Variants in ZNF280D observed in about 807,000 individuals in gnomAD.
The protein encoded by ZNF280D is zinc finger protein 280D, also known as suppressor of hairy wing homolog 4.
A neutral mutation model predicts 94.7 loss-of-function variants in ZNF280D; 39 were observed. The ratio of observed to expected loss-of-function variants is 0.41; its 90% confidence interval spans 0.32 to 0.54. ZNF280D has a LOEUF of 0.54. ZNF280D is among the 20% of genes least tolerant of loss of function. The probability of loss-of-function intolerance (pLI) is 0.22; values close to 1 mark genes in which losing one functional copy is unlikely to be tolerated. For synonymous variants in ZNF280D, 398 were observed against 377.6 expected (o/e 1.05, Z -0.63); for missense variants, 1,090 against 1,149.3 (o/e 0.95, Z 0.75).
intron 1 of ZNF280D, among the ~76,000 whole-genome samples, chr15:56,731,359 T>C (rs1225637920): frequency 6.6e-6 from 1 of 151,554 alleles, no homozygotes; most frequent in Non-Finnish European, 1.5e-5. Flanking sequence ...AAAAATTAGC[T>C]GAGTGTGGTG....
At chr15:56,700,512 G>T in intron 6 of ZNF280D, 1 of 1,015,128 alleles carries the variant, frequency 9.9e-7, no homozygotes, top group Non-Finnish European at 1.2e-6. Context: ...AGGAAAAAAT[G>T]TTTGTTTTTT....
At chr15:56,708,663 T>C (rs72744977) in intron 1 of ZNF280D, among the ~76,000 whole-genome samples, 26,653 of 152,084 alleles carry the variant, frequency 0.18, 2,496 homozygotes, top group Admixed American at 0.22. Flanking sequence ...AACAGAGATA[T>C]AGGCCAATGG....
intron 1 of ZNF280D, among the ~76,000 whole-genome samples, chr15:56,712,632 A>G (rs1422525301): frequency 6.6e-6 from 1 of 151,234 alleles, no homozygotes; most frequent in Non-Finnish European, 1.5e-5. Flanking sequence ...AAAGAAAAGA[A>G]AAAACACTCA....
intron 7 of ZNF280D, among the ~76,000 whole-genome samples, chr15:56,691,367 C>G (rs1044157358): frequency 2.0e-5 from 3 of 152,078 alleles, no homozygotes; most frequent in African/African-American, 7.2e-5. Context: ...TAATCACATT[C>G]ACATTCTTGT....
chr15:56,693,375 T>C (rs1357212193), intron 6 of ZNF280D, among the ~76,000 whole-genome samples, 160 bp from the exon 7 acceptor site: 1 of 151,684 alleles, frequency 6.6e-6, no homozygotes, highest in East Asian at 1.9e-4. Flanking sequence ...GGAAACCCTT[T>C]GATAACTCAA....
chr15:56,694,977 T>A (rs912496651), intron 6 of ZNF280D, among the ~76,000 whole-genome samples: 1 of 152,338 alleles, frequency 6.6e-6, no homozygotes, highest in East Asian at 1.9e-4. Context: ...ACATTCATTA[T>A]TGGCAAAGTA....
chr15:56,724,846 C>T (rs1372454048), intron 1 of ZNF280D: 1 of 452,752 alleles, frequency 2.2e-6, no homozygotes, highest in African/African-American at 2.0e-5. Flanking sequence ...TTCTTATTTA[C>T]CTTTTTCTAT....
At chr15:56,699,516 G>C in intron 6 of ZNF280D, 3 of 854,852 alleles carry the variant, frequency 3.5e-6, no homozygotes, top group Non-Finnish European at 4.2e-6. Context: ...AAATAAAATA[G>C]TGTTATATTT....
intron 1 of ZNF280D, among the ~76,000 whole-genome samples, chr15:56,721,120 G>A (rs1202039197): frequency 2.6e-5 from 4 of 151,910 alleles, no homozygotes; most frequent in East Asian, 1.9e-4. Flanking sequence ...GCACCACCAC[G>A]CCTGGCTAAT....
intron 19 of ZNF280D, among the ~76,000 whole-genome samples, chr15:56,646,982 A>C (rs1437571259): frequency 6.6e-6 from 1 of 152,234 alleles, no homozygotes; most frequent in African/African-American, 2.4e-5. Context: ...TGGTGGTCTC[A>C]TATCACTGAA....
intron 7 of ZNF280D, among the ~76,000 whole-genome samples, chr15:56,692,463 T>G (rs577600219): frequency 3.0e-4 from 46 of 152,146 alleles, no homozygotes; most frequent in African/African-American, 1.1e-3. Context: ...GAATTTTCAA[T>G]TAGATAAAAT....
chr15:56,656,197 T>C (rs2053544076), intron 17 of ZNF280D, among the ~76,000 whole-genome samples: 2 of 152,216 alleles, frequency 1.3e-5, no homozygotes, highest in Admixed American at 1.3e-4. Context: ...ATCACTGTCA[T>C]CTTTACAGGA....
chr15:56,634,415 T>G (rs1176446568), intron 21 of ZNF280D, among the ~76,000 whole-genome samples: 1 of 152,176 alleles, frequency 6.6e-6, no homozygotes, highest in Admixed American at 6.5e-5. Context: ...AACTCCTTAG[T>G]TGATTTTTTG....
intron 20 of ZNF280D, among the ~76,000 whole-genome samples, chr15:56,638,720 A>T (rs2052472843): frequency 6.6e-6 from 1 of 152,128 alleles, no homozygotes; most frequent in Admixed American, 6.6e-5. Flanking sequence ...TATTATTTTT[A>T]TTTTTGACAA....
chr15:56,697,809 CATAA>C (rs1164181491), intron 6 of ZNF280D: 2 of 152,040 alleles, frequency 1.3e-5, no homozygotes, highest in Non-Finnish European at 2.9e-5. Context: ...TACAAATTAA[CATAA>C]ATAACATTTT....
At chr15:56,716,558 A>G (rs1287752975) in intron 1 of ZNF280D, among the ~76,000 whole-genome samples, 2 of 151,812 alleles carry the variant, frequency 1.3e-5, no homozygotes, top group African/African-American at 4.8e-5. Context: ...AGACATAGAG[A>G]TAGACAAGAG....
At chr15:56,636,744 A>G (rs1352595615) in intron 20 of ZNF280D, among the ~76,000 whole-genome samples, 1 of 151,954 alleles carries the variant, frequency 6.6e-6, no homozygotes, top group Admixed American at 6.6e-5. Context: ...TCGGCCTCCC[A>G]AAGTGCTGGG....
chr15:56,642,547 A>G (rs892393332), intron 20 of ZNF280D, among the ~76,000 whole-genome samples: 9 of 151,812 alleles, frequency 5.9e-5, no homozygotes, highest in Non-Finnish European at 1.5e-5. Context: ...AGATACATCC[A>G]AAATATTTCT....
chr15:56,702,654 A>G (rs1367351615), intron 4 of ZNF280D, among the ~76,000 whole-genome samples: 1 of 152,170 alleles, frequency 6.6e-6, no homozygotes, highest in Non-Finnish European at 1.5e-5. Flanking sequence ...ATAGAATATT[A>G]TGTCCCACTA....
Sources: gnomAD v4.1 joint callset for allele counts (sites outside exome capture counted in the v4.1 genomes callset) on GRCh38, gnomAD v4.1.1 for gene constraint, MANE v1.5 for transcripts, NCBI Gene and HGNC (gene_info 2026-07-23, HGNC 2026-07-21) for gene names.